The following ADCY2 variants were observed in gnomAD, a reference collection of about 807,000 sequenced individuals.
ADCY2 encodes the protein adenylate cyclase 2, also known as adenylate cyclase type 2.
In ADCY2, 31 loss-of-function variants were observed where a neutral mutation model predicts 125.2. The ratio of observed to expected loss-of-function variants is 0.25; its 90% CI spans 0.19 to 0.33. ADCY2 has a LOEUF of 0.33. Among genes scored for constraint, ADCY2 ranks in the 10% least tolerant of loss-of-function variants. The pLI is 1.00. For missense variants in ADCY2, 904 were observed against 1,418.2 expected (o/e 0.64, Z 5.82); for synonymous variants, 512 against 548.4 (o/e 0.93, Z 0.93).
chr5:7,778,938 A>G (rs2126490471), intron 18 of ADCY2, among the ~76,000 whole-genome samples: 1 of 152,362 alleles, frequency 6.6e-6, no homozygotes, highest in Admixed American at 6.5e-5. Flanking sequence ...AATGAAGAAT[A>G]TATTTCAAAT....
intron 16 of ADCY2, among the ~76,000 whole-genome samples, chr5:7,761,988 C>T (rs1176181750): frequency 4.6e-5 from 7 of 152,186 alleles, no homozygotes; most frequent in Non-Finnish European, 1.0e-4. Context: ...TCTCAAAAAT[C>T]ATTCATCACA....
chr5:7,652,198 G>C (rs1739120318), intron 4 of ADCY2, among the ~76,000 whole-genome samples: 1 of 152,180 alleles, frequency 6.6e-6, no homozygotes, highest in African/African-American at 2.4e-5. Flanking sequence ...CTGATCAACA[G>C]AACTATGAAC....
intron 2 of ADCY2, among the ~76,000 whole-genome samples, chr5:7,496,490 T>C (rs1743350008): frequency 1.3e-5 from 2 of 152,220 alleles, no homozygotes; most frequent in African/African-American, 4.8e-5. Flanking sequence ...TTGACCTTGA[T>C]ATATAATAGC....
At chr5:7,415,905 G>A (rs1437586029) in intron 2 of ADCY2, among the ~76,000 whole-genome samples, 1 of 152,110 alleles carries the variant, frequency 6.6e-6, no homozygotes, top group Non-Finnish European at 1.5e-5. Flanking sequence ...CATCCAGGGA[G>A]AGGGTGACTG....
intron 2 of ADCY2, among the ~76,000 whole-genome samples, chr5:7,500,569 C>G (rs547296049): frequency 6.6e-6 from 1 of 152,240 alleles, no homozygotes; most frequent in Non-Finnish European, 1.5e-5. Flanking sequence ...AGCACAAAAT[C>G]CCAGTAAAAT....
chr5:7,697,742 T>C (rs189981165), intron 6 of ADCY2, among the ~76,000 whole-genome samples: 2 of 152,188 alleles, frequency 1.3e-5, no homozygotes, highest in African/African-American at 4.8e-5. Flanking sequence ...GCTTATTAGG[T>C]GTGGTAATGT....
At chr5:7,662,087 C>T (rs1691699152) in intron 4 of ADCY2, among the ~76,000 whole-genome samples, 1 of 152,202 alleles carries the variant, frequency 6.6e-6, no homozygotes, top group Non-Finnish European at 1.5e-5. Flanking sequence ...ATTCTCCTTA[C>T]CACGCATAGC....
chr5:7,667,985 G>C (rs1739815012), intron 4 of ADCY2, among the ~76,000 whole-genome samples: 1 of 152,144 alleles, frequency 6.6e-6, no homozygotes, highest in Non-Finnish European at 1.5e-5. Flanking sequence ...GAATAAGACA[G>C]GAAAAATGAA....
chr5:7,576,450 T>C (rs888503209), intron 3 of ADCY2, among the ~76,000 whole-genome samples: 1 of 152,214 alleles, frequency 6.6e-6, no homozygotes. Context: ...GACAGTGACA[T>C]GCTAGATGTT....
chr5:7,462,940 C>T (rs547634477), intron 2 of ADCY2, among the ~76,000 whole-genome samples: 2 of 152,170 alleles, frequency 1.3e-5, no homozygotes, highest in African/African-American at 4.8e-5. Context: ...CTAGCTGATG[C>T]AGCAAGCCTG....
At chr5:7,650,217 GAC>G (rs3073883) in intron 4 of ADCY2, among the ~76,000 whole-genome samples, 25,221 of 147,726 alleles carry the variant, frequency 0.17, 2,380 homozygotes, top group East Asian at 0.43. Context: ...TGCAGGCACA[GAC>G]ACACACACAC....
intron 16 of ADCY2, among the ~76,000 whole-genome samples, chr5:7,764,488 C>G (rs376175901): frequency 1.3e-4 from 20 of 152,126 alleles, no homozygotes; most frequent in East Asian, 5.8e-4. Flanking sequence ...AACCAAATGA[C>G]AAACACAATG....
At chr5:7,735,884 A>G (rs543284318) in intron 14 of ADCY2, among the ~76,000 whole-genome samples, 1 of 152,326 alleles carries the variant, frequency 6.6e-6, no homozygotes, top group Non-Finnish European at 1.5e-5. Context: ...AGTTTGTAAA[A>G]AATGGATATT....
At chr5:7,680,535 T>G (rs1402652365) in intron 4 of ADCY2, among the ~76,000 whole-genome samples, 1 of 152,228 alleles carries the variant, frequency 6.6e-6, no homozygotes, top group Middle Eastern at 3.2e-3. Flanking sequence ...TGCAAGCTAA[T>G]CAGAGTACAT....
At chr5:7,496,198 A>G (rs1743339747) in intron 2 of ADCY2, among the ~76,000 whole-genome samples, 1 of 152,232 alleles carries the variant, frequency 6.6e-6, no homozygotes, top group Non-Finnish European at 1.5e-5. Context: ...ACTCTAATTT[A>G]TAGGGGAGAA....
At chr5:7,488,271 G>A (rs113575315) in intron 2 of ADCY2, among the ~76,000 whole-genome samples, 4 of 152,046 alleles carry the variant, frequency 2.6e-5, no homozygotes, top group Admixed American at 6.6e-5. Flanking sequence ...TAAGACACCC[G>A]TTTGCTCTTC....
intron 1 of ADCY2, among the ~76,000 whole-genome samples, chr5:7,399,159 T>C (rs987702502): frequency 4.6e-5 from 7 of 152,216 alleles, no homozygotes; most frequent in Non-Finnish European, 7.3e-5. Flanking sequence ...TTTTGCTGCC[T>C]AAAATCTTGG....
At chr5:7,742,199 A>C (rs1439102384) in intron 14 of ADCY2, among the ~76,000 whole-genome samples, 1 of 151,410 alleles carries the variant, frequency 6.6e-6, no homozygotes, top group Non-Finnish European at 1.5e-5. Context: ...AAAGCTCAGC[A>C]GATGAATCAC....
At position 7,553,665 on chromosome 5, in the gene ADCY2, G is replaced by A. The variant is rs550141759; in HGVS notation, c.570+32766G>A. Among the ~76,000 whole-genome samples the A allele has an allele frequency of 7.7e-4, 117 of 152,272 alleles. 1 individual carries two copies. Among genetic ancestry groups the A allele is most frequent in the African/African-American group, 2.7e-3 (112 of 41,568 alleles). Reference sequence around the variant, plus strand: ...ATGACATTGCTGCAGATAAGCTGAGGGGACAGAAGCAGGGAGGGTATGGTG... The same window carrying A: ...ATGACATTGCTGCAGATAAGCTGAGAGGACAGAAGCAGGGAGGGTATGGTG... On this transcript the variant is annotated intron_variant, in intron 3 of 24. Coordinates refer to ENST00000338316, the MANE Select transcript of ADCY2 (RefSeq NM_020546.3).
Sources: allele counts gnomAD v4.1 joint callset (sites outside exome capture counted in the v4.1 genomes callset), GRCh38; gene constraint gnomAD v4.1.1; transcripts MANE v1.5; gene names NCBI Gene and HGNC (gene_info 2026-07-23, HGNC 2026-07-21).